The following RORA variants were observed in gnomAD, a reference collection of about 807,000 sequenced individuals.
RORA encodes the protein nuclear receptor ROR-alpha.
In RORA, 7 loss-of-function variants were observed where a neutral mutation model predicts 69.5. The ratio of observed to expected loss-of-function variants is 0.10; its 90% CI spans 0.06 to 0.19. RORA has a LOEUF of 0.19. Among genes scored for constraint, RORA ranks in the 10% least tolerant of loss-of-function variants. RORA has a pLI of 1.00. For missense variants in RORA, 457 were observed against 663.0 expected, an observed-to-expected ratio of 0.69 and a Z score of 3.41; for synonymous variants, 261 against 240.8, an observed-to-expected ratio of 1.08 and a Z score of -0.78.
intron 1 of RORA, among the ~76,000 whole-genome samples, chr15:61,116,883 A>G (rs1008924937): frequency 5.3e-5 from 8 of 152,136 alleles, no homozygotes; most frequent in Non-Finnish European, 1.2e-4. Flanking sequence ...TAAAATTGCA[A>G]TGTGTCCAGG....
rs536425288 is a variant in RORA at position 61,063,454 on chromosome 15, G to T, written c.166+165599C>A. ...ATTTTATCTTTCATTATCTAAATGT[G>T]AAAAGGAATTAACTTAAGATCACTT... is the stretch of plus-strand genomic sequence containing the variant. On this transcript the variant is annotated intron_variant, in intron 1 of 10. Transcript: ENST00000335670. Among the ~76,000 whole-genome samples the T allele has an allele frequency of 1.0e-3, 154 of 152,326 alleles. 2 individuals are homozygous for T. The highest frequency in any genetic ancestry group is 3.1e-3 in the South Asian group (15 of 4,826).
chr15:61,091,195 T>C (rs901134481), intron 1 of RORA, among the ~76,000 whole-genome samples: 4 of 152,198 alleles, frequency 2.6e-5, no homozygotes, highest in Non-Finnish European at 5.9e-5. Context: ...TCTGTTGCCG[T>C]TGAATTACGC....
At chr15:61,125,677 C>G (rs2140830103) in intron 1 of RORA, among the ~76,000 whole-genome samples, 1 of 152,254 alleles carries the variant, frequency 6.6e-6, no homozygotes, top group East Asian at 1.9e-4. Context: ...CTTCTGATTC[C>G]TCTGTTTAGC....
chr15:61,210,024 C>T (rs1004907257), intron 1 of RORA, among the ~76,000 whole-genome samples: 2 of 152,188 alleles, frequency 1.3e-5, no homozygotes, highest in African/African-American at 4.8e-5. Context: ...TAAAGTGATG[C>T]CTGTCTCGAA....
chr15:61,168,179 TACATATATAC>T lies in RORA; in HGVS notation c.166+60864_166+60873del, dbSNP rs759023158. On this transcript the variant is annotated intron_variant, in intron 1 of 10. Transcript: ENST00000335670. ...ACATATACATATATATGTAAATCAT[TACATATATAC>T]ACATATATACACGCGCGTGCGTGCG... 2.0e-4 allele frequency among the ~76,000 whole-genome samples: 30 copies of T among 151,068 alleles called. No homozygotes were observed. In the South Asian group the frequency reaches 4.0e-3, roughly 20 times the overall value.
chr15:60,549,267 G>A (rs1225670724), intron 2 of RORA, among the ~76,000 whole-genome samples: 1 of 152,212 alleles, frequency 6.6e-6, no homozygotes, highest in Non-Finnish European at 1.5e-5. Context: ...GGGCATGAGA[G>A]AAGAAAATAA....
At chr15:60,972,137 G>A (rs1893735957) in intron 1 of RORA, among the ~76,000 whole-genome samples, 1 of 152,198 alleles carries the variant, frequency 6.6e-6, no homozygotes, top group Non-Finnish European at 1.5e-5. Context: ...AGCCATTGGA[G>A]TAGTGGGAAA....
intron 1 of RORA, among the ~76,000 whole-genome samples, chr15:61,012,326 G>T (rs1895111721): frequency 6.6e-6 from 1 of 152,152 alleles, no homozygotes; most frequent in Admixed American, 6.5e-5. Context: ...ACCCAAATTG[G>T]TACAGTAATC....
At chr15:61,110,172 G>T (rs937967495) in intron 1 of RORA, among the ~76,000 whole-genome samples, 1 of 152,182 alleles carries the variant, frequency 6.6e-6, no homozygotes, top group African/African-American at 2.4e-5. Flanking sequence ...GCCAAGGTGG[G>T]CGGATCACGA....
chr15:60,516,651 G>A (rs1482129860), intron 3 of RORA, among the ~76,000 whole-genome samples: 2 of 152,034 alleles, frequency 1.3e-5, no homozygotes, highest in African/African-American at 4.8e-5. Flanking sequence ...CGATTTTTCT[G>A]GAGGTCAATT....
intron 5 of RORA, among the ~76,000 whole-genome samples, chr15:60,507,752 AATG>A (rs2065557657): frequency 6.6e-6 from 1 of 152,216 alleles, no homozygotes; most frequent in Non-Finnish European, 1.5e-5. Context: ...CCGATAAAAA[AATG>A]ATGAAGATGA....
chr15:61,016,829 C>G (rs1256651439), intron 1 of RORA, among the ~76,000 whole-genome samples: 2 of 152,054 alleles, frequency 1.3e-5, no homozygotes, highest in Admixed American at 6.6e-5. Flanking sequence ...GTGGAGTAGT[C>G]CCCCTGGTAA....
intron 1 of RORA, among the ~76,000 whole-genome samples, chr15:60,766,350 T>C (rs1002196168): frequency 3.3e-5 from 5 of 152,032 alleles, no homozygotes; most frequent in African/African-American, 1.2e-4. Context: ...AAAAAAAATA[T>C]AATAAAGTAA....
rs2079161262 is a variant in RORA at position 61,128,362 on chromosome 15, T to C, written c.166+100691A>G. Among the ~76,000 whole-genome samples, 1 of 152,148 alleles carries C rather than the reference T, an allele frequency of 6.6e-6. No homozygotes were observed. Among genetic ancestry groups the C allele is most frequent in the Admixed American group, 6.5e-5 (1 of 15,282 alleles). The stretch of plus-strand genomic sequence containing the variant: ...AGAAAAAAAAAATCTAAACAGTATA[T>C]AAACTTAAAATCAGTCACATGAAAT... On this transcript the variant is annotated intron_variant, in intron 1 of 10. Transcript: ENST00000335670. The surrounding 1 kb of genome is among the most constrained non-coding windows in gnomAD (Gnocchi z 4.5).
intron 1 of RORA, among the ~76,000 whole-genome samples, chr15:61,120,475 G>A (rs539218240): frequency 1.1e-4 from 16 of 151,998 alleles, no homozygotes; most frequent in Middle Eastern, 3.4e-3. Context: ...CGAGGCGGGC[G>A]GATCACAACT....
chr15:61,162,683 G>A (rs2079505976), intron 1 of RORA, among the ~76,000 whole-genome samples: 1 of 152,164 alleles, frequency 6.6e-6, no homozygotes, highest in Non-Finnish European at 1.5e-5. Context: ...AAGGTTAAGT[G>A]TTTTATTAAA....
chr15:60,583,127 G>A (rs1596011713), intron 2 of RORA, among the ~76,000 whole-genome samples: 2 of 152,196 alleles, frequency 1.3e-5, no homozygotes, highest in Admixed American at 1.3e-4. Flanking sequence ...TGGTGTCGCA[G>A]TGTGGAAGCA....
intron 1 of RORA, among the ~76,000 whole-genome samples, chr15:60,721,887 T>G (rs1486170627): frequency 6.6e-6 from 1 of 152,268 alleles, no homozygotes; most frequent in Non-Finnish European, 1.5e-5. Flanking sequence ...GGGCCATTCC[T>G]TACTGGATGG....
intron 1 of RORA, among the ~76,000 whole-genome samples, chr15:60,918,853 G>C (rs1170302146): frequency 2.0e-5 from 3 of 152,152 alleles, no homozygotes; most frequent in Non-Finnish European, 4.4e-5. Context: ...TGTTGAGCCA[G>C]GGTACAGCCA....
Sources: gnomAD v4.1 joint callset for allele counts (sites outside exome capture counted in the v4.1 genomes callset) on GRCh38, gnomAD v4.1.1 for gene constraint, Gnocchi (gnomAD v3.1) non-coding constraint, MANE v1.5 for transcripts, NCBI Gene and HGNC (gene_info 2026-07-23, HGNC 2026-07-21) for gene names.